SPAG17: variants seen among roughly 807,000 people sequenced by gnomAD.
SPAG17 encodes sperm associated antigen 17, also known as sperm-associated antigen 17.
A neutral mutation model predicts 273.6 loss-of-function variants in SPAG17; 169 were observed. The observed-to-expected ratio is 0.62, with a 90% CI of 0.55 to 0.70. SPAG17 has a LOEUF of 0.70. SPAG17 is among the 30% of genes least tolerant of loss of function. The probability of loss-of-function intolerance (pLI) is 0.00; values close to 1 mark genes in which losing one functional copy is unlikely to be tolerated. For synonymous variants in SPAG17, 825 were observed against 873.2 expected (o/e 0.94, Z 0.97); for missense variants, 2,557 against 2,627.8 (o/e 0.97, Z 0.59).
chr1:117,958,823 T>G, intron 48 of SPAG17: 2 of 922,232 alleles, frequency 2.2e-6, no homozygotes, highest in Non-Finnish European at 1.7e-6. Context: ...GTTGTTGCTT[T>G]GATATTGTGT....
intron 18 of SPAG17, among the ~76,000 whole-genome samples, chr1:118,063,209 T>G (rs1217495662): frequency 2.6e-5 from 4 of 152,174 alleles, no homozygotes; most frequent in Non-Finnish European, 5.9e-5. Flanking sequence ...ACCAATGACT[T>G]TCTTCACAGA....
rs779712839 is a variant in SPAG17 at position 118,115,269 on chromosome 1, C to G, written c.447+41G>C. 4 of 1,606,624 alleles carry G rather than the reference C, an allele frequency of 2.5e-6. No homozygotes were observed. In the East Asian group the frequency reaches 9.0e-5, roughly 36 times the overall value. ...GAGAAACCTGGCTCCATTTCATTCACCACTTGCCCTCTTTAGAAAACCCAC... is the reference window on the plus strand; with the variant it reads ...GAGAAACCTGGCTCCATTTCATTCAGCACTTGCCCTCTTTAGAAAACCCAC... On this transcript the variant is annotated intron_variant, in intron 4 of 48. Transcript: ENST00000336338.
At position 118,041,826 on chromosome 1, in the gene SPAG17, G is replaced by GT. The variant is rs899304262; in HGVS notation, c.3030dup (p.Pro1011ThrfsTer4). The GT allele has an allele frequency of 6.2e-7, 1 of 1,612,606 alleles. No homozygotes were observed. The highest frequency in any genetic ancestry group is 1.3e-5 in the African/African-American group (1 of 74,724). On this transcript the variant is annotated frameshift_variant, in exon 21 of 49. Transcript: ENST00000336338. LOFTEE classifies it high-confidence loss of function. ...ACCGGGTAAGTTATCTTAGGTTCTG[G>GT]TTGGTGGGGGGACTCTTCTGTTACT...
intron 18 of SPAG17, among the ~76,000 whole-genome samples, chr1:118,056,498 T>C (rs535226247): frequency 6.6e-6 from 1 of 152,308 alleles, no homozygotes; most frequent in Admixed American, 6.5e-5. Flanking sequence ...GCAGTCATAT[T>C]TGTTCCCAAA....
intron 17 of SPAG17, among the ~76,000 whole-genome samples, chr1:118,067,138 C>A (rs12140386): frequency 0.074 from 11,202 of 152,156 alleles, 620 homozygotes; most frequent in East Asian, 0.31. Flanking sequence ...TCAGGCAGAG[C>A]GGCGCTTGCT....
At chr1:118,159,064 A>T (rs1221669518) in intron 1 of SPAG17, among the ~76,000 whole-genome samples, 1 of 152,220 alleles carries the variant, frequency 6.6e-6, no homozygotes, top group African/African-American at 2.4e-5. Context: ...CATGCTTAGC[A>T]TGGGAGGGCT....
chr1:118,163,851 C>T (rs1660042923), intron 1 of SPAG17, among the ~76,000 whole-genome samples: 2 of 152,318 alleles, frequency 1.3e-5, no homozygotes, highest in Admixed American at 6.5e-5. Context: ...ACCAGCACCA[C>T]CACCATACAC....
intron 1 of SPAG17, among the ~76,000 whole-genome samples, chr1:118,160,499 G>T (rs1366499623): frequency 6.6e-6 from 1 of 152,280 alleles, no homozygotes; most frequent in African/African-American, 2.4e-5. Context: ...GCTGTTGCTT[G>T]GTTAATTCAA....
chr1:118,081,451 T>G lies in SPAG17; in HGVS notation c.1954A>C (p.Met652Leu), dbSNP rs1362025154. 6.2e-7 allele frequency: 1 copy of G among 1,613,956 alleles called. No individual in the cohort carries two copies. Among genetic ancestry groups the G allele is most frequent in the Admixed American group, 1.7e-5 (1 of 60,016 alleles). The change falls in exon 14 of 49, where the codon ATG (methionine) becomes CTG (leucine). Residue 652 changes from methionine (M) to leucine (L), a missense_variant. Physicochemically the swap from Met to Leu is conservative, Grantham distance 15. Transcript: ENST00000336338. Reference sequence around the variant, plus strand: ...TTGGCCTCTTGAGTATTCATTTTCATGACATATTGCTGCCTTATCTGTTTA... The same window carrying G: ...TTGGCCTCTTGAGTATTCATTTTCAGGACATATTGCTGCCTTATCTGTTTA... The part of the protein sequence containing the change: ...FAKQIRQQYV[M>L]KMNTQEAKQK...
intron 4 of SPAG17, among the ~76,000 whole-genome samples, chr1:118,106,254 T>G (rs1656388935): frequency 6.6e-6 from 1 of 152,188 alleles, no homozygotes; most frequent in African/African-American, 2.4e-5. Context: ...ACATTTCTAT[T>G]TATTACATTC....
At chr1:118,058,445 G>A (rs911791254) in intron 18 of SPAG17, among the ~76,000 whole-genome samples, 5 of 152,124 alleles carry the variant, frequency 3.3e-5, no homozygotes, top group Admixed American at 1.3e-4. Flanking sequence ...GTTCTCAAGC[G>A]AGCCTCCTGC....
Position 117,992,641 on chromosome 1 carries a change from G to GT in SPAG17, c.5185dup (p.Thr1729AsnfsTer17). On this transcript the variant is annotated frameshift_variant, in exon 36 of 49. Transcript: ENST00000336338. LOFTEE classifies it high-confidence loss of function. ...CTGAGTACCAAACGGAGGTCCTGGA[G>GT]TTTTTTTCTGTTAACAAAACAAAGC... is the stretch of plus-strand genomic sequence containing the variant. 1.1e-5 allele frequency: 18 copies of GT among 1,585,272 alleles called. No homozygotes were observed. The highest frequency in any genetic ancestry group is 1.5e-5 in the Non-Finnish European group (18 of 1,170,410).
chr1:118,025,206 G>A, intron 27 of SPAG17, 32 bp downstream of exon 27: 1 of 1,606,414 alleles, frequency 6.2e-7, no homozygotes, highest in African/African-American at 1.3e-5. Flanking sequence ...TTTGGAACAG[G>A]GAAGAATAAT....
chr1:118,008,219 A>G (rs1444904115), intron 30 of SPAG17, 21 bp from the exon 31 acceptor site: 1 of 1,612,684 alleles, frequency 6.2e-7, no homozygotes, highest in South Asian at 1.1e-5. Flanking sequence ...ATGCAAGGTA[A>G]GCAGATCTGA....
chr1:117,976,876 C>T (rs1320790340), intron 43 of SPAG17, among the ~76,000 whole-genome samples: 1 of 152,110 alleles, frequency 6.6e-6, no homozygotes, highest in East Asian at 1.9e-4. Context: ...TTTGCAAGTC[C>T]ACACCTTCTC....
intron 48 of SPAG17, among the ~76,000 whole-genome samples, chr1:117,956,791 A>G (rs1456966452): frequency 6.6e-6 from 1 of 152,230 alleles, no homozygotes; most frequent in Non-Finnish European, 1.5e-5. Flanking sequence ...AAGATGGAAT[A>G]TTCAACAAAA....
At chr1:117,984,423 G>T (rs1656179357) in intron 41 of SPAG17, among the ~76,000 whole-genome samples, 1 of 152,204 alleles carries the variant, frequency 6.6e-6, no homozygotes, top group Admixed American at 6.5e-5. Context: ...GAGAGGGTAA[G>T]TAATAGTGAG....
intron 1 of SPAG17, among the ~76,000 whole-genome samples, chr1:118,176,310 A>C (rs1660696014): frequency 6.6e-6 from 1 of 152,140 alleles, no homozygotes; most frequent in African/African-American, 2.4e-5. Context: ...ACCCAACTCT[A>C]TGCTGCCTAC....
chr1:117,954,049 A>C lies in SPAG17; in HGVS notation c.*1T>G, dbSNP rs1363832857. The C allele has an allele frequency of 6.2e-7, 1 of 1,612,668 alleles. No homozygotes were observed. The highest frequency in any genetic ancestry group is 8.5e-7 in the Non-Finnish European group (1 of 1,178,984). ...GGCTATTGAGTTGTACCGAGAAGAAACTGCAAAAATGAAGGAACACAAAGC... is the reference window on the plus strand; with the variant it reads ...GGCTATTGAGTTGTACCGAGAAGAACCTGCAAAAATGAAGGAACACAAAGC... On this transcript the variant is annotated splice_region_variant and 3_prime_UTR_variant, in exon 49 of 49. Coordinates refer to ENST00000336338, the MANE Select transcript of SPAG17 (RefSeq NM_206996.4).
Sources: allele counts gnomAD v4.1 joint callset (sites outside exome capture counted in the v4.1 genomes callset), GRCh38; gene constraint gnomAD v4.1.1; transcripts MANE v1.5; gene names NCBI Gene and HGNC (gene_info 2026-07-23, HGNC 2026-07-21).